Variants in GNAI1 observed in about 807,000 individuals in gnomAD.
GNAI1 encodes the protein G protein subunit alpha i1, also known as guanine nucleotide-binding protein G(i) subunit alpha-1.
In GNAI1, 11 loss-of-function variants were observed where a neutral mutation model predicts 38.9. The observed-to-expected ratio is 0.28, with a 90% CI of 0.18 to 0.47. The LOEUF is 0.47. Ranked by LOEUF, GNAI1 falls within the 20% of genes least tolerant of loss-of-function variation. GNAI1 has a pLI of 0.99. For missense variants in GNAI1, 317 were observed against 436.9 expected (o/e 0.73, Z 2.45); for synonymous variants, 166 against 145.1 (o/e 1.14, Z -1.04).
At chr7:80,190,213 T>G (rs1788458203) in intron 3 of GNAI1, among the ~76,000 whole-genome samples, 1 of 152,040 alleles carries the variant, frequency 6.6e-6, no homozygotes, top group African/African-American at 2.4e-5. Context: ...GAAAGCAATA[T>G]TAGGGAATAT....
At chr7:80,182,367 T>C (rs1451534692) in intron 1 of GNAI1, among the ~76,000 whole-genome samples, 1 of 152,184 alleles carries the variant, frequency 6.6e-6, no homozygotes, top group Non-Finnish European at 1.5e-5. Context: ...CTCATTGTAA[T>C]AGTATGATAC....
chr7:80,144,812 C>A (rs1167506186), intron 1 of GNAI1, among the ~76,000 whole-genome samples: 1 of 152,168 alleles, frequency 6.6e-6, no homozygotes, highest in African/African-American at 2.4e-5. Flanking sequence ...CCAAGAATTA[C>A]ATTTATTTCG....
intron 1 of GNAI1, among the ~76,000 whole-genome samples, chr7:80,164,640 T>A (rs1167390336): frequency 2.6e-5 from 4 of 152,176 alleles, no homozygotes; most frequent in African/African-American, 9.6e-5. Flanking sequence ...TTTTGAGTAC[T>A]CACATTTTAC....
intron 4 of GNAI1, among the ~76,000 whole-genome samples, chr7:80,201,181 C>A (rs1258844953): frequency 6.6e-6 from 1 of 152,128 alleles, no homozygotes; most frequent in African/African-American, 2.4e-5. Context: ...AGGAAGAACA[C>A]AACTCATAAA....
intron 1 of GNAI1, among the ~76,000 whole-genome samples, chr7:80,172,627 A>G (rs911005970): frequency 4.6e-5 from 7 of 152,132 alleles, no homozygotes; most frequent in Non-Finnish European, 8.8e-5. Flanking sequence ...GTTTCTTTCA[A>G]GTGAGAATTT....
rs2115749810 is a variant in GNAI1 at position 80,224,799 on chromosome 7, T to G, written c.*7306T>G. On this transcript the variant is annotated 3_prime_UTR_variant, in exon 8 of 8. Transcript: ENST00000649796. Reference sequence around the variant, plus strand: ...GGCCTATTAGTGTAAAATACAAGAGTTCAGATACACAGAATTTAAAAATTA... The same window carrying G: ...GGCCTATTAGTGTAAAATACAAGAGGTCAGATACACAGAATTTAAAAATTA... Among the ~76,000 whole-genome samples, 1 of 152,182 alleles carries G rather than the reference T, an allele frequency of 6.6e-6. No individual in the cohort carries two copies.
chr7:80,139,911 T>G (rs1787493857), intron 1 of GNAI1, among the ~76,000 whole-genome samples: 1 of 3,572 alleles, frequency 2.8e-4, no homozygotes, highest in African/African-American at 6.3e-4. Context: ...GCCCTGCAAT[T>G]TTTTTTTTTT....
At chr7:80,199,454 A>G (rs1405793138) in intron 4 of GNAI1, 72 bp downstream of exon 4, 3 of 1,125,394 alleles carry the variant, frequency 2.7e-6, no homozygotes, top group Middle Eastern at 2.9e-4. Flanking sequence ...TTCCAAGTCA[A>G]TTTTACTGCA....
At chr7:80,165,613 C>T (rs1787999580) in intron 1 of GNAI1, among the ~76,000 whole-genome samples, 1 of 152,070 alleles carries the variant, frequency 6.6e-6, no homozygotes, top group African/African-American at 2.4e-5. Context: ...AGAATGTTTT[C>T]TCTTTCTCTT....
chr7:80,186,257 T>G (rs952296040), intron 1 of GNAI1, among the ~76,000 whole-genome samples: 5 of 151,996 alleles, frequency 3.3e-5, no homozygotes, highest in Non-Finnish European at 7.4e-5. Flanking sequence ...GGTCTAGAAC[T>G]CTTGTCCTCG....
At chr7:80,158,409 T>C (rs1432908290) in intron 1 of GNAI1, among the ~76,000 whole-genome samples, 3 of 152,210 alleles carry the variant, frequency 2.0e-5, no homozygotes, top group Non-Finnish European at 2.9e-5. Flanking sequence ...CCAAATCTCA[T>C]CTCGAATTGT....
intron 1 of GNAI1, 96 bp from the exon 2 acceptor site, chr7:80,188,855 G>GGGGTGT (rs1562836741): frequency 1.9e-6 from 1 of 537,158 alleles, no homozygotes; most frequent in African/African-American, 1.9e-5. Context: ...AGAGAGACTG[G>GGGGTGT]GTGTGTGTGT....
rs960771330 is a variant in GNAI1, at chr7:80,223,802, G to T, written c.*6309G>T. On this transcript the variant is annotated 3_prime_UTR_variant, in exon 8 of 8. Transcript: ENST00000649796. ...TACCTGTAATAAATATAACTTTTTT[G>T]CAGACTTGAGCATACGTTTAAACCA... Among the ~76,000 whole-genome samples the T allele has an allele frequency of 1.5e-4, 22 of 151,672 alleles. No homozygotes were observed. The highest frequency in any genetic ancestry group is 5.4e-4 in the African/African-American group (22 of 41,058).
intron 1 of GNAI1, 89 bp downstream of exon 1, chr7:80,135,367 G>A: frequency 1.4e-6 from 1 of 734,160 alleles, no homozygotes; most frequent in Non-Finnish European, 2.0e-6. Flanking sequence ...CCGGAGGGAA[G>A]GGGGAGGAAG....
intron 4 of GNAI1, among the ~76,000 whole-genome samples, chr7:80,202,942 C>CTA (rs1562842069): frequency 6.6e-6 from 1 of 152,166 alleles, no homozygotes; most frequent in East Asian, 1.9e-4. Context: ...TCTGTTTAGA[C>CTA]CCCTCGCTAT....
intron 1 of GNAI1, among the ~76,000 whole-genome samples, chr7:80,177,842 T>A (rs1788217040): frequency 6.6e-6 from 1 of 152,228 alleles, no homozygotes; most frequent in East Asian, 1.9e-4. Context: ...TAATTTCAAC[T>A]TTCATGTGTT....
chr7:80,147,009 T>A (rs915887479), intron 1 of GNAI1, among the ~76,000 whole-genome samples: 4 of 152,200 alleles, frequency 2.6e-5, no homozygotes, highest in African/African-American at 9.7e-5. Flanking sequence ...TCATCTTGCA[T>A]GGAAACATCC....
chr7:80,212,327 A>G (rs879245240), intron 6 of GNAI1, among the ~76,000 whole-genome samples: 1 of 152,162 alleles, frequency 6.6e-6, no homozygotes, highest in African/African-American at 2.4e-5. Context: ...AGCTTGTTCA[A>G]TTTAAGTTAT....
In GNAI1 at chr7:80,135,169, C is replaced by A; in HGVS notation, c.9C>A (p.Cys3Ter). Residue 3 changes from cysteine (C) to a stop codon, truncating the protein, a stop_gained, in exon 1 of 8, where the codon TGC becomes TGA. Transcript: ENST00000649796. LOFTEE classifies it high-confidence loss of function. Reference sequence around the variant, plus strand: ...CTCTCGCTTTCGGCACCATGGGCTGCACGCTGAGCGCCGAGGACAAGGCGG... The same window carrying A: ...CTCTCGCTTTCGGCACCATGGGCTGAACGCTGAGCGCCGAGGACAAGGCGG... The part of the protein sequence containing the change: MG[C>*]TLSAEDKAAV... The A allele has an allele frequency of 1.3e-6, 2 of 1,533,908 alleles. No individual in the cohort carries two copies. Among genetic ancestry groups the A allele is most frequent in the African/African-American group, 1.4e-5 (1 of 70,158 alleles).
Sources: gnomAD v4.1 joint callset for allele counts (sites outside exome capture counted in the v4.1 genomes callset) on GRCh38, gnomAD v4.1.1 for gene constraint, MANE v1.5 for transcripts, NCBI Gene and HGNC (gene_info 2026-07-23, HGNC 2026-07-21) for gene names.